GPHN: variants seen among roughly 807,000 people sequenced by gnomAD.
GPHN encodes the protein gephyrin.
GPHN carries 17 observed loss-of-function variants against 95.5 expected under a neutral mutation model. The observed-to-expected ratio is 0.18, with a 90% CI of 0.12 to 0.27. The LOEUF (loss-of-function observed/expected upper bound fraction) is 0.27. Ranked by LOEUF, GPHN falls within the 10% of genes least tolerant of loss-of-function variation. The pLI is 1.00. For missense variants in GPHN, 660 were observed against 978.1 expected (o/e 0.67, Z 4.34); for synonymous variants, 320 against 322.5 (o/e 0.99, Z 0.08).
chr14:66,788,104 C>T (rs144673324), intron 3 of GPHN, among the ~76,000 whole-genome samples: 2,230 of 149,172 alleles, frequency 0.015, 22 homozygotes, highest in Non-Finnish European at 0.024. Context: ...CCGAGGCAGG[C>T]GGATTACCAA....
intron 2 of GPHN, among the ~76,000 whole-genome samples, chr14:66,773,156 G>C (rs1013658495): frequency 6.6e-6 from 1 of 152,092 alleles, no homozygotes; most frequent in Non-Finnish European, 1.5e-5. Context: ...AAGTGCAATC[G>C]GGCAGACTTG....
chr14:66,573,798 A>G (rs949953640), intron 1 of GPHN, among the ~76,000 whole-genome samples: 2 of 151,918 alleles, frequency 1.3e-5, no homozygotes, highest in Non-Finnish European at 2.9e-5. Context: ...CTTAAAGTCT[A>G]CTTTATTATG....
chr14:67,273,244 C>T, the GPHN span, among the ~76,000 whole-genome samples: 22 of 151,670 alleles, frequency 1.5e-4, no homozygotes, highest in Admixed American at 7.9e-4. Context: ...TTAGGTATAT[C>T]TCCTAATGCT....
chr14:67,225,439 A>G, the GPHN span, among the ~76,000 whole-genome samples: 2 of 152,206 alleles, frequency 1.3e-5, no homozygotes, highest in Non-Finnish European at 2.9e-5. Context: ...AGAATCCATC[A>G]TGGGTCAAAA....
chr14:66,733,753 G>A (rs2072011583), intron 2 of GPHN, among the ~76,000 whole-genome samples: 1 of 152,146 alleles, frequency 6.6e-6, no homozygotes, highest in Non-Finnish European at 1.5e-5. Context: ...AATTAAGGCT[G>A]AAATAACTAT....
At chr14:67,725,316 C>G in the GPHN span, 3 of 1,532,740 alleles carry the variant, frequency 2.0e-6, no homozygotes, top group South Asian at 2.3e-5. Flanking sequence ...CTGCTCCACC[C>G]TAGACCATCT....
the GPHN span, among the ~76,000 whole-genome samples, chr14:67,187,389 C>A: frequency 6.6e-6 from 1 of 152,006 alleles, no homozygotes; most frequent in Non-Finnish European, 1.5e-5. Flanking sequence ...TCACCTTTTC[C>A]CTCCCTAAGC....
the GPHN span, among the ~76,000 whole-genome samples, chr14:67,708,792 A>G: frequency 7.1e-6 from 1 of 141,088 alleles, no homozygotes; most frequent in East Asian, 2.2e-4. Flanking sequence ...TATTAATAAT[A>G]CCTTTTTTTT....
the GPHN span, among the ~76,000 whole-genome samples, chr14:67,479,725 GA>G: frequency 2.1e-3 from 311 of 149,500 alleles, 1 homozygote; most frequent in African/African-American, 7.2e-3. Context: ...CTCAAAAAAG[GA>G]AAAAAAAATG....
At chr14:66,769,843 C>T (rs998916839) in intron 2 of GPHN, among the ~76,000 whole-genome samples, 1 of 152,050 alleles carries the variant, frequency 6.6e-6, no homozygotes, top group Non-Finnish European at 1.5e-5. Context: ...TGGGTATATA[C>T]CCAGTAGTGG....
intron 2 of GPHN, among the ~76,000 whole-genome samples, chr14:66,703,955 T>A (rs2068804589): frequency 5.0e-5 from 5 of 100,778 alleles, no homozygotes; most frequent in African/African-American, 7.1e-5. Context: ...ACCAAGCAAA[T>A]GGAAAGCCAA....
intron 2 of GPHN, among the ~76,000 whole-genome samples, chr14:66,703,648 G>A (rs112765496): frequency 2.2e-5 from 2 of 90,454 alleles, no homozygotes; most frequent in African/African-American, 1.0e-4. Flanking sequence ...CACTAAATAC[G>A]GAAAGGAAAA....
At position 66,559,671 on chromosome 14, in the gene GPHN, T is replaced by G. The variant is rs200172776; in HGVS notation, c.64+51080T>G. ...GTCAGATGAGTAGGTTGTGAAAATT[T>G]TCTCCCATTTTGTAGGTTGCCTGTT... On this transcript the variant is annotated intron_variant, in intron 1 of 22. Coordinates refer to ENST00000478722, the MANE Select transcript of GPHN (RefSeq NM_020806.5). Among the ~76,000 whole-genome samples, 106 of 152,048 alleles carry G rather than the reference T, an allele frequency of 7.0e-4. 2 individuals are homozygous for G. The East Asian group carries it at 0.02, about 29-fold the overall frequency.
At chr14:67,601,418 G>T in the GPHN span, among the ~76,000 whole-genome samples, 830 of 152,312 alleles carry the variant, frequency 5.4e-3, 4 homozygotes, top group South Asian at 9.7e-3. Flanking sequence ...GGATTTCACT[G>T]CCTGGGAGTT....
the GPHN span, chr14:67,557,180 C>T: frequency 1.9e-6 from 2 of 1,040,002 alleles, no homozygotes; most frequent in Middle Eastern, 2.2e-4. Context: ...CAGCCTGGGG[C>T]ATCAGACGGT....
At chr14:67,199,741 A>G in the GPHN span, 1 of 1,568,020 alleles carries the variant, frequency 6.4e-7, no homozygotes, top group Non-Finnish European at 8.7e-7. Flanking sequence ...TGGTATCATC[A>G]TTGGGGTCTG....
intron 8 of GPHN, among the ~76,000 whole-genome samples, chr14:66,953,540 A>C (rs2068266374): frequency 6.6e-6 from 1 of 152,174 alleles, no homozygotes; most frequent in Non-Finnish European, 1.5e-5. Flanking sequence ...TCTTTTGCAT[A>C]TGGATATGCA....
At chr14:66,842,846 A>G in intron 4 of GPHN, 1 of 677,246 alleles carries the variant, frequency 1.5e-6, no homozygotes, top group South Asian at 1.9e-5. Context: ...GTGGATTGTT[A>G]TGTATCTATG....
At chr14:66,920,763 C>T (rs770074637) in intron 6 of GPHN, among the ~76,000 whole-genome samples, 23 of 151,728 alleles carry the variant, frequency 1.5e-4, no homozygotes, top group Non-Finnish European at 2.2e-4. Flanking sequence ...CATAAATTCC[C>T]ATAAGTCCCC....
Sources: allele counts gnomAD v4.1 joint callset (sites outside exome capture counted in the v4.1 genomes callset), GRCh38; gene constraint gnomAD v4.1.1; transcripts MANE v1.5; gene names NCBI Gene and HGNC (gene_info 2026-07-23, HGNC 2026-07-21).